The following METTL23 variants were observed in gnomAD, a reference collection of about 807,000 sequenced individuals.
The protein encoded by METTL23 is histone-arginine methyltransferase METTL23.
In METTL23, 24 loss-of-function variants were observed where a neutral mutation model predicts 21.2. The observed-to-expected ratio is 1.13, with a 90% confidence interval of 0.82 to 1.59. The LOEUF (loss-of-function observed/expected upper bound fraction) is 1.59, where lower values mean the gene tolerates loss of function less well. Among genes scored for constraint, METTL23 ranks in the 40% most tolerant of loss-of-function variants. METTL23 has a pLI of 0.00. For synonymous variants in METTL23, 97 were observed against 75.2 expected (o/e 1.29, Z -1.50); for missense variants, 276 against 221.4 (o/e 1.25, Z -1.57).
intron 3 of METTL23, 30 bp from the exon 4 acceptor site, chr17:76,733,263 A>G (rs776533947): frequency 6.2e-6 from 10 of 1,613,402 alleles, no homozygotes; most frequent in Non-Finnish European, 8.5e-6. Flanking sequence ...ATGCTATATG[A>G]AAATCTATTC....
At chr17:76,726,227 G>T, upstream of METTL23, 1 of 1,314,492 alleles carries the variant, frequency 7.6e-7, no homozygotes, top group Non-Finnish European at 1.0e-6. Context: ...CGCGGGGTGC[G>T]GGTGAGCCTC....
At chr17:76,729,992 T>C (rs1461614667) in intron 2 of METTL23, among the ~76,000 whole-genome samples, 198 bp downstream of exon 2, 1 of 152,230 alleles carries the variant, frequency 6.6e-6, no homozygotes, top group African/African-American at 2.4e-5. Context: ...CTTTTTTTCA[T>C]TTAAAAAGTG....
chr17:76,731,564 G>T (rs1338609169), intron 2 of METTL23, among the ~76,000 whole-genome samples: 3 of 152,176 alleles, frequency 2.0e-5, no homozygotes, highest in Admixed American at 6.5e-5. Flanking sequence ...CCGTAGTGTA[G>T]CCCTTTCTGT....
rs1488025475 is a variant in METTL23 at position 76,733,317 on chromosome 17, T to C, written c.347T>C (p.Ile116Thr). 1 of 1,614,016 alleles carries C rather than the reference T, an allele frequency of 6.2e-7. No homozygotes were observed. The highest frequency in any genetic ancestry group is 8.5e-7 in the Non-Finnish European group (1 of 1,179,886). ...PEDFEDILATIYFLMHKNPKV... is the reference protein window; with the variant it reads ...PEDFEDILATTYFLMHKNPKV... ...GATTTTGAAGACATTTTGGCTACAA[T>C]ATATTTTTTGATGCACAAGAATCCC... is the stretch of plus-strand genomic sequence containing the variant. The change falls in exon 4 of 5, where the codon ATA becomes ACA. Residue 116 changes from isoleucine (I) to threonine (T), a missense_variant. Ile to Thr is a moderately conservative substitution (Grantham distance 89, BLOSUM62 -1). Transcript: ENST00000341249.
At chr17:76,726,543 C>CT, upstream of METTL23, 7 of 1,513,976 alleles carry the variant, frequency 4.6e-6, no homozygotes, top group Non-Finnish European at 6.2e-6. Flanking sequence ...TAACGCACCC[C>CT]TCCCCGGCCT....
intron 2 of METTL23, 109 bp downstream of exon 2, chr17:76,729,903 T>C: frequency 1.3e-6 from 1 of 789,636 alleles, no homozygotes; most frequent in Non-Finnish European, 2.1e-6. Context: ...TTAAATCGGG[T>C]AATTTAGCTA....
At chr17:76,732,412 T>A (rs990565306) in intron 2 of METTL23, among the ~76,000 whole-genome samples, 32 of 151,942 alleles carry the variant, frequency 2.1e-4, no homozygotes, top group Middle Eastern at 3.4e-3. Context: ...GAGGCAGAAT[T>A]GCTTGAACCC....
chr17:76,729,051 G>C lies in METTL23; in HGVS notation c.-21-639G>C, dbSNP rs1204884257. On this transcript the variant is annotated intron_variant, in intron 1 of 4. Transcript: ENST00000341249. The stretch of plus-strand genomic sequence containing the variant: ...CCTGACCTGATGATCCACCCACCTC[G>C]GCCTCCCAAAGTGCTGGGATTACAG... Among the ~76,000 whole-genome samples the C allele has an allele frequency of 2.0e-5, 3 of 150,334 alleles. No homozygotes were observed. In the East Asian group the frequency reaches 5.9e-4, roughly 30 times the overall value.
At chr17:76,726,749 G>A (rs1256821106), upstream of METTL23, 12 of 468,710 alleles carry the variant, frequency 2.6e-5, no homozygotes, top group Non-Finnish European at 7.9e-6. Flanking sequence ...ACATACGGCG[G>A]GCCTCCGCCA....
intron 1 of METTL23, among the ~76,000 whole-genome samples, chr17:76,728,602 G>A (rs1169987079): frequency 1.3e-5 from 2 of 151,748 alleles, no homozygotes; most frequent in Non-Finnish European, 2.9e-5. Context: ...GTAGAGACGG[G>A]GTTTTGCCAT....
At chr17:76,731,022 G>T (rs1444684776) in intron 2 of METTL23, among the ~76,000 whole-genome samples, 1 of 151,986 alleles carries the variant, frequency 6.6e-6, no homozygotes, top group African/African-American at 2.4e-5. Flanking sequence ...GGAGAATGGT[G>T]GGTGAACCCG....
chr17:76,733,398 C>G, intron 4 of METTL23, 21 bp downstream of exon 4: 1 of 1,610,904 alleles, frequency 6.2e-7, no homozygotes, highest in Non-Finnish European at 8.5e-7. Context: ...ATGACCCTTA[C>G]TTTTTATATG....
At chr17:76,733,479 A>G in intron 4 of METTL23, 42 bp from the exon 5 acceptor site, 1 of 1,600,678 alleles carries the variant, frequency 6.2e-7, no homozygotes, top group Non-Finnish European at 8.5e-7. Context: ...GAAGCAAAAC[A>G]GAAAAGGCAT....
chr17:76,732,836 T>G, intron 2 of METTL23, 142 bp from the exon 3 acceptor site: 1 of 680,154 alleles, frequency 1.5e-6, no homozygotes, highest in Non-Finnish European at 2.5e-6. Flanking sequence ...AATGTTCAGT[T>G]ACGGTACATT....
chr17:76,731,643 G>A (rs1247888139), intron 2 of METTL23, among the ~76,000 whole-genome samples: 1 of 152,184 alleles, frequency 6.6e-6, no homozygotes, highest in Non-Finnish European at 1.5e-5. Context: ...CCTGGCCTCA[G>A]ACTGGTGAAG....
Position 76,733,128 on chromosome 17 carries a change from CTAACA to C in METTL23, c.237_241del (p.Thr80GlyfsTer20). The C allele has an allele frequency of 6.2e-7, 1 of 1,613,758 alleles. No homozygotes were observed. The highest frequency in any genetic ancestry group is 1.1e-5 in the South Asian group (1 of 91,010). ...CCTGCCACATCTGCAGGTGGTAGGA[CTAACA>C]TGGGGTCATATATCTTGGGATCTTC... is the stretch of plus-strand genomic sequence containing the variant. On this transcript the variant is annotated frameshift_variant, in exon 3 of 5. Coordinates refer to ENST00000341249, the MANE Select transcript of METTL23 (RefSeq NM_001080510.5). LOFTEE classifies it high-confidence loss of function.
intron 1 of METTL23, 46 bp downstream of exon 1, chr17:76,727,224 G>C (rs2076979720): frequency 5.5e-6 from 2 of 360,566 alleles, no homozygotes; most frequent in Admixed American, 3.6e-5. Flanking sequence ...GTCAGGAGCG[G>C]ATGTCGGCTG....
In METTL23 at chr17:76,727,047, C is replaced by T. The variant is rs1440163849; in HGVS notation, c.-153C>T. The stretch of plus-strand genomic sequence containing the variant: ...GAGCCTTCCGCGGTCCCCCGCCCGC[C>T]CGGGGCCCAACGACGCCCTACTGGG... On this transcript the variant is annotated 5_prime_UTR_variant, in exon 1 of 5. Transcript: ENST00000341249. 1 of 454,994 alleles carries T rather than the reference C, an allele frequency of 2.2e-6. No homozygotes were observed. Among genetic ancestry groups the T allele is most frequent in the Admixed American group, 2.4e-5 (1 of 42,506 alleles). The allele number at this position is 454,994 out of a possible 1,614,324, so 28.2% of individuals were successfully genotyped here.
In METTL23 at chr17:76,733,691, T is replaced by C. The variant is rs772103195; in HGVS notation, c.*5T>C. The C allele has an allele frequency of 3.7e-6, 6 of 1,611,258 alleles. No individual in the cohort carries two copies. Among genetic ancestry groups the C allele is most frequent in the Non-Finnish European group, 5.1e-6 (6 of 1,178,672 alleles). On this transcript the variant is annotated 3_prime_UTR_variant, in exon 5 of 5. Coordinates refer to ENST00000341249, the MANE Select transcript of METTL23 (RefSeq NM_001080510.5). ...TTTGCAAAGGACAGTCTCTGAATTATACCTACAACCTGTTCTGGGACAGTA... is the reference window on the plus strand; with the variant it reads ...TTTGCAAAGGACAGTCTCTGAATTACACCTACAACCTGTTCTGGGACAGTA...
Sources: allele counts gnomAD v4.1 joint callset (sites outside exome capture counted in the v4.1 genomes callset), GRCh38; gene constraint gnomAD v4.1.1; transcripts MANE v1.5; gene names NCBI Gene and HGNC (gene_info 2026-07-23, HGNC 2026-07-21).